The following MAGI2 variants were observed in gnomAD, a reference collection of about 807,000 sequenced individuals.
The protein encoded by MAGI2 is membrane-associated guanylate kinase, WW and PDZ domain-containing protein 2.
MAGI2 carries 35 observed loss-of-function variants against 133.3 expected under a neutral mutation model. The observed-to-expected ratio is 0.26, with a 90% CI of 0.20 to 0.35. MAGI2 has a LOEUF of 0.35. MAGI2 is among the 10% of genes least tolerant of loss of function. The pLI, the probability that MAGI2 is intolerant of heterozygous loss-of-function variation, is 1.00. For synonymous variants in MAGI2, 729 were observed against 710.6 expected (o/e 1.03, Z -0.41); for missense variants, 1,636 against 1,863.4 (o/e 0.88, Z 2.25).
chr7:78,065,631 C>T, intron 21 of MAGI2: 1 of 700,640 alleles, frequency 1.4e-6, no homozygotes, highest in Admixed American at 2.0e-5. Context: ...TGTCACTTTT[C>T]ATGCACATGG....
chr7:78,456,059 T>C (rs1440911411), intron 6 of MAGI2, among the ~76,000 whole-genome samples: 1 of 151,842 alleles, frequency 6.6e-6, no homozygotes, highest in African/African-American at 2.4e-5. Context: ...TTCAGTTGCT[T>C]CTACATGATG....
At chr7:78,520,549 T>G (rs1348226539) in intron 4 of MAGI2, among the ~76,000 whole-genome samples, 2 of 152,110 alleles carry the variant, frequency 1.3e-5, no homozygotes, top group Admixed American at 1.3e-4. Flanking sequence ...TTAGATTTTT[T>G]TAATGCCCAC....
chr7:78,451,080 T>G (rs1448675944), intron 6 of MAGI2, among the ~76,000 whole-genome samples: 1 of 152,114 alleles, frequency 6.6e-6, no homozygotes, highest in Non-Finnish European at 1.5e-5. Context: ...CCAGCCACAG[T>G]GCAACCCGTT....
chr7:78,548,369 C>T (rs1584585568), intron 3 of MAGI2, among the ~76,000 whole-genome samples: 1 of 152,212 alleles, frequency 6.6e-6, no homozygotes, highest in East Asian at 1.9e-4. Flanking sequence ...CTAAAGGCTA[C>T]TCCACAGGAC....
chr7:78,035,490 A>C (rs1035240772), intron 21 of MAGI2, among the ~76,000 whole-genome samples: 1 of 152,158 alleles, frequency 6.6e-6, no homozygotes, highest in Non-Finnish European at 1.5e-5. Context: ...GGGATTCTGA[A>C]ATCTCCTTTA....
intron 2 of MAGI2, among the ~76,000 whole-genome samples, chr7:78,968,723 C>T (rs2115929616): frequency 6.6e-6 from 1 of 152,088 alleles, no homozygotes; most frequent in South Asian, 2.1e-4. Flanking sequence ...GATCCCCATA[C>T]ATAAAATTAA....
intron 1 of MAGI2, among the ~76,000 whole-genome samples, chr7:79,326,862 TGACGATAAATACTAG>T (rs1159203493): frequency 6.6e-6 from 1 of 152,142 alleles, no homozygotes; most frequent in Non-Finnish European, 1.5e-5. Context: ...TTCGGCATGA[TGACGATAAATACTAG>T]GATCTTAACA....
intron 1 of MAGI2, among the ~76,000 whole-genome samples, chr7:79,087,598 G>A (rs1012025763): frequency 1.3e-5 from 2 of 151,556 alleles, no homozygotes; most frequent in Non-Finnish European, 3.0e-5. Flanking sequence ...GTGATTAAAA[G>A]TGGAAGATTC....
At chr7:78,100,958 C>T (rs1177712910) in intron 20 of MAGI2, among the ~76,000 whole-genome samples, 1 of 144,336 alleles carries the variant, frequency 6.9e-6, no homozygotes, top group Non-Finnish European at 1.5e-5. Context: ...ACAATAGCAT[C>T]AAAAAGATTA....
At chr7:78,084,126 A>G (rs1164125254) in intron 20 of MAGI2, among the ~76,000 whole-genome samples, 1 of 152,204 alleles carries the variant, frequency 6.6e-6, no homozygotes, top group East Asian at 1.9e-4. Flanking sequence ...GCATGATCAT[A>G]TATGACTAAA....
intron 1 of MAGI2, among the ~76,000 whole-genome samples, chr7:79,065,732 C>T (rs947338226): frequency 1.3e-5 from 2 of 152,096 alleles, no homozygotes; most frequent in Admixed American, 6.6e-5. Flanking sequence ...CCATGAAATC[C>T]CCAGTGTGTG....
chr7:79,447,217 G>T (rs1207201384), intron 1 of MAGI2, among the ~76,000 whole-genome samples: 3 of 151,880 alleles, frequency 2.0e-5, no homozygotes, highest in Non-Finnish European at 4.4e-5. Flanking sequence ...TATGGACATT[G>T]TACTATGTAT....
At chr7:78,817,473 G>A (rs1007367214) in intron 2 of MAGI2, among the ~76,000 whole-genome samples, 2 of 152,074 alleles carry the variant, frequency 1.3e-5, no homozygotes, top group African/African-American at 4.8e-5. Context: ...TAATCCATGT[G>A]GCAAACTTCG....
At chr7:78,417,317 A>AT (rs397716044) in intron 6 of MAGI2, among the ~76,000 whole-genome samples, 1 of 151,340 alleles carries the variant, frequency 6.6e-6, no homozygotes, top group African/African-American at 2.4e-5. Context: ...AAAAAAAAAA[A>AT]TATTCATTGC....
At chr7:78,520,911 T>C (rs1327738974) in intron 4 of MAGI2, among the ~76,000 whole-genome samples, 1 of 152,118 alleles carries the variant, frequency 6.6e-6, no homozygotes, top group Non-Finnish European at 1.5e-5. Context: ...AAGAAACAAA[T>C]ATATGGGCAT....
chr7:78,073,559 A>C (rs2151171347), intron 21 of MAGI2, among the ~76,000 whole-genome samples: 1 of 152,364 alleles, frequency 6.6e-6, no homozygotes, highest in African/African-American at 2.4e-5. Context: ...TATTCTGATT[A>C]ACTTTGAACA....
At position 78,387,402 on chromosome 7, in the gene MAGI2, C is replaced by G. The variant is rs144869559; in HGVS notation, c.1046-18189G>C. ...ACCCACTCACATCACCATAGGATAC[C>G]TATTCCTTTTATTGTTTGGCAGCAT... On this transcript the variant is annotated intron_variant, in intron 6 of 21. Coordinates refer to ENST00000354212, the MANE Select transcript of MAGI2 (RefSeq NM_012301.4). 2.4e-3 allele frequency among the ~76,000 whole-genome samples: 360 copies of G among 152,262 alleles called. 1 individual carries two copies. Among genetic ancestry groups the G allele is most frequent in the African/African-American group, 8.2e-3 (340 of 41,540 alleles).
intron 1 of MAGI2, among the ~76,000 whole-genome samples, chr7:79,185,296 A>C (rs1056149082): frequency 1.3e-5 from 2 of 151,970 alleles, no homozygotes; most frequent in African/African-American, 4.8e-5. Flanking sequence ...AAACCCTGAT[A>C]AAGGGCCCAT....
chr7:78,256,343 C>T lies in MAGI2; in HGVS notation c.1647G>A (p.Glu549=), dbSNP rs2150951698. The T allele has an allele frequency of 6.2e-7, 1 of 1,614,068 alleles. No individual in the cohort carries two copies. Among genetic ancestry groups the T allele is most frequent in the South Asian group, 1.1e-5 (1 of 91,088 alleles). Residue 549 remains glutamate (E), a synonymous_variant, in exon 10 of 22, where the codon GAG becomes GAA. Coordinates refer to ENST00000354212, the MANE Select transcript of MAGI2 (RefSeq NM_012301.4). The part of the protein sequence containing the change: ...NGRHNYETYL[E]YISRTSQSVP... ...CTGACTGTGAGGTCCGAGAAATGTA[C>T]TCCAAATATGTTTCATAGTTGTGTC...
Sources: gnomAD v4.1 joint callset for allele counts (sites outside exome capture counted in the v4.1 genomes callset) on GRCh38, gnomAD v4.1.1 for gene constraint, MANE v1.5 for transcripts, NCBI Gene and HGNC (gene_info 2026-07-23, HGNC 2026-07-21) for gene names.